The following TRPM3 variants were observed in gnomAD, a reference collection of about 807,000 sequenced individuals.
TRPM3 encodes the protein long transient receptor potential channel 3.
Under a neutral mutation model 181.2 loss-of-function variants are expected in TRPM3, and 77 were observed. The ratio of observed to expected loss-of-function variants is 0.42; its 90% CI spans 0.35 to 0.51. The LOEUF (loss-of-function observed/expected upper bound fraction) is 0.51, where lower values mean the gene tolerates loss of function less well. Ranked by LOEUF, TRPM3 falls within the 20% of genes least tolerant of loss-of-function variation. The pLI is 0.01. For synonymous variants in TRPM3, 745 were observed against 796.4 expected (o/e 0.94, Z 1.09); for missense variants, 1,759 against 2,196.7 (o/e 0.80, Z 3.98).
intron 9 of TRPM3, among the ~76,000 whole-genome samples, chr9:70,646,662 C>A (rs1463539612): frequency 6.6e-6 from 1 of 151,760 alleles, no homozygotes; most frequent in Non-Finnish European, 1.5e-5. Flanking sequence ...GCACATGTAT[C>A]CCTATGTAAC....
chr9:71,426,641 G>T (rs1329394015), intron 1 of TRPM3, among the ~76,000 whole-genome samples: 1 of 151,922 alleles, frequency 6.6e-6, no homozygotes, highest in African/African-American at 2.4e-5. Flanking sequence ...CTGAATATGG[G>T]GACTTGCATA....
intron 1 of TRPM3, among the ~76,000 whole-genome samples, chr9:71,209,389 A>G: frequency 3.8e-5 from 1 of 26,108 alleles, no homozygotes; most frequent in Non-Finnish European, 7.0e-5. Context: ...GGGGGTAGGG[A>G]GAGGGGGAAG....
intron 1 of TRPM3, among the ~76,000 whole-genome samples, chr9:70,996,106 G>A (rs191696112): frequency 6.6e-6 from 1 of 152,294 alleles, no homozygotes; most frequent in Admixed American, 6.5e-5. Context: ...AAGGTACTAT[G>A]TGGTTGAAAT....
chr9:70,866,447 G>C (rs75572873), intron 1 of TRPM3, among the ~76,000 whole-genome samples: 1,858 of 152,102 alleles, frequency 0.012, 32 homozygotes, highest in African/African-American at 0.043. Flanking sequence ...CCTGGAGAAA[G>C]TTACATGATT....
chr9:70,889,483 C>T (rs568671256), intron 1 of TRPM3, among the ~76,000 whole-genome samples: 1 of 152,290 alleles, frequency 6.6e-6, no homozygotes, highest in South Asian at 2.1e-4. Flanking sequence ...CTATGTCCTC[C>T]TCCAACCCCC....
chr9:70,990,935 T>G (rs1269528917), intron 1 of TRPM3, among the ~76,000 whole-genome samples: 1 of 152,222 alleles, frequency 6.6e-6, no homozygotes, highest in Non-Finnish European at 1.5e-5. Flanking sequence ...TACCTATTTA[T>G]AGACACATGT....
intron 9 of TRPM3, among the ~76,000 whole-genome samples, chr9:70,652,074 T>C (rs2059666784): frequency 2.0e-5 from 3 of 152,014 alleles, no homozygotes. Flanking sequence ...ATGACAGATA[T>C]TCTGGAGACA....
chr9:71,410,278 T>C (rs888414154), intron 1 of TRPM3, among the ~76,000 whole-genome samples: 22 of 113,208 alleles, frequency 1.9e-4, no homozygotes, highest in African/African-American at 4.0e-4. Context: ...CTGAAGGAGA[T>C]AGGGTCACAA....
chr9:70,583,272 C>A (rs1440905394), intron 22 of TRPM3, among the ~76,000 whole-genome samples: 3 of 152,210 alleles, frequency 2.0e-5, no homozygotes, highest in Admixed American at 6.5e-5. Flanking sequence ...TCTGCACATA[C>A]ACGTGAGAGT....
intron 1 of TRPM3, among the ~76,000 whole-genome samples, chr9:71,248,593 AT>A (rs1405491931): frequency 4.6e-5 from 7 of 152,298 alleles, no homozygotes; most frequent in African/African-American, 1.7e-4. Flanking sequence ...GAGGTTTGTT[AT>A]TTGTTGCAAA....
At chr9:71,437,886 A>G (rs1363680721) in intron 1 of TRPM3, among the ~76,000 whole-genome samples, 3 of 151,976 alleles carry the variant, frequency 2.0e-5, no homozygotes, top group Non-Finnish European at 4.4e-5. Context: ...AAAAAGAAAA[A>G]AAAACCCTAA....
intron 1 of TRPM3, among the ~76,000 whole-genome samples, chr9:71,112,334 A>G (rs1396578458): frequency 6.6e-6 from 1 of 152,222 alleles, no homozygotes; most frequent in Non-Finnish European, 1.5e-5. Context: ...CTTTCAGTGT[A>G]TATTATCAAA....
intron 1 of TRPM3, among the ~76,000 whole-genome samples, chr9:71,325,331 A>T (rs1397179920): frequency 6.6e-6 from 1 of 152,200 alleles, no homozygotes; most frequent in African/African-American, 2.4e-5. Context: ...AAACGTGCTG[A>T]TATGTCTTCA....
At chr9:71,298,928 G>A (rs1200472911) in intron 1 of TRPM3, among the ~76,000 whole-genome samples, 1 of 152,078 alleles carries the variant, frequency 6.6e-6, no homozygotes, top group East Asian at 1.9e-4. Flanking sequence ...CTAGATAAGA[G>A]AATCAACTCT....
intron 1 of TRPM3, among the ~76,000 whole-genome samples, chr9:71,213,660 A>T (rs541479332): frequency 6.6e-6 from 1 of 152,324 alleles, no homozygotes; most frequent in Non-Finnish European, 1.5e-5. Context: ...TTTAAAAAAG[A>T]GGTAACAGGA....
intron 1 of TRPM3, among the ~76,000 whole-genome samples, chr9:70,868,181 C>T (rs2095695278): frequency 6.6e-6 from 1 of 151,950 alleles, no homozygotes; most frequent in Admixed American, 6.6e-5. Flanking sequence ...GTAGAATGGT[C>T]ACATAACCAT....
At chr9:71,122,834 T>G (rs1235168308), upstream of TRPM3, among the ~76,000 whole-genome samples, 1 of 152,214 alleles carries the variant, frequency 6.6e-6, no homozygotes, top group East Asian at 1.9e-4. Context: ...TAGTAAAATT[T>G]ATGTCTCTGA....
At chr9:71,283,188 C>T (rs544405822) in intron 1 of TRPM3, among the ~76,000 whole-genome samples, 1 of 152,348 alleles carries the variant, frequency 6.6e-6, no homozygotes, top group South Asian at 2.1e-4. Flanking sequence ...ACTGATACTT[C>T]ATGTAAGTGG....
At chr9:71,157,735 A>C (rs769741143) in intron 1 of TRPM3, among the ~76,000 whole-genome samples, 4 of 152,136 alleles carry the variant, frequency 2.6e-5, no homozygotes, top group Admixed American at 2.0e-4. Context: ...TAATGGTCCA[A>C]CATTTAACTG....
Sources: gnomAD v4.1 joint callset for allele counts (sites outside exome capture counted in the v4.1 genomes callset) on GRCh38, gnomAD v4.1.1 for gene constraint, MANE v1.5 for transcripts, NCBI Gene and HGNC (gene_info 2026-07-23, HGNC 2026-07-21) for gene names.